Variants in GNB1 observed in about 807,000 individuals in gnomAD.
The protein encoded by GNB1 is G protein subunit beta 1, also known as guanine nucleotide-binding protein G(I)/G(S)/G(T) subunit beta-1.
A neutral mutation model predicts 42.9 loss-of-function variants in GNB1; 2 were observed. That is an observed-to-expected ratio of 0.05 (90% confidence interval 0.02 to 0.15). The LOEUF (loss-of-function observed/expected upper bound fraction) is 0.15. GNB1 is among the 10% of genes least tolerant of loss of function. The pLI, the probability that GNB1 is intolerant of heterozygous loss-of-function variation, is 1.00. For synonymous variants in GNB1, 183 were observed against 174.7 expected (o/e 1.05, Z -0.38); for missense variants, 193 against 462.2 (o/e 0.42, Z 5.34).
chr1:1,836,089 CAAA>C (rs911459103), intron 2 of GNB1, among the ~76,000 whole-genome samples: 2 of 151,368 alleles, frequency 1.3e-5, no homozygotes, highest in Non-Finnish European at 2.9e-5. Context: ...GACCCTATTT[CAAA>C]AAAACAAAAA....
chr1:1,819,618 A>G (rs1289956633), intron 3 of GNB1, among the ~76,000 whole-genome samples: 1 of 151,896 alleles, frequency 6.6e-6, no homozygotes, highest in African/African-American at 2.4e-5. Context: ...AGCTCACTGC[A>G]GCCTCGACCT....
intron 2 of GNB1, among the ~76,000 whole-genome samples, chr1:1,838,165 T>C (rs1360448987): frequency 6.6e-6 from 1 of 152,098 alleles, no homozygotes; most frequent in African/African-American, 2.4e-5. Context: ...ATTGCACCAC[T>C]GCACTTCGGC....
At chr1:1,824,593 T>C (rs1022140569) in intron 3 of GNB1, among the ~76,000 whole-genome samples, 1 of 152,166 alleles carries the variant, frequency 6.6e-6, no homozygotes, top group East Asian at 1.9e-4. Flanking sequence ...TTTTTTATTT[T>C]TCAGGGTCTC....
chr1:1,848,437 AC>A (rs1363047249), intron 1 of GNB1, among the ~76,000 whole-genome samples: 3 of 151,992 alleles, frequency 2.0e-5, no homozygotes, highest in Non-Finnish European at 4.4e-5. Context: ...GTAAAGTTCC[AC>A]CAAGTATGCC....
intron 2 of GNB1, 130 bp from the exon 3 acceptor site, chr1:1,825,629 C>G: frequency 6.8e-6 from 4 of 586,492 alleles, no homozygotes; most frequent in Non-Finnish European, 9.4e-6. Flanking sequence ...CTTTGGGAGG[C>G]CGAGGCGGGC....
chr1:1,882,999 A>G (rs1243651756), intron 1 of GNB1, among the ~76,000 whole-genome samples: 1 of 152,106 alleles, frequency 6.6e-6, no homozygotes, highest in East Asian at 1.9e-4. Context: ...GGTAAAGGAA[A>G]GCCTTTAAGA....
intron 1 of GNB1, among the ~76,000 whole-genome samples, chr1:1,888,389 CG>C (rs1011321994): frequency 1.3e-5 from 2 of 150,276 alleles, no homozygotes; most frequent in African/African-American, 4.9e-5. Context: ...AAAAGGCGGG[CG>C]GGGGGAGCAC....
rs147856451 is a variant in GNB1, at chr1:1,803,205, A to G, written c.430+1214T>C. 6.4e-4 allele frequency among the ~76,000 whole-genome samples: 97 copies of G among 152,368 alleles called. 2 individuals carry two copies. In the East Asian group the frequency reaches 0.019, roughly 29 times the overall value. ...ATATTAGAATAGTACATCCTCTTTC[A>G]GCAAATGTATGCCTTTCATGATGAA... On this transcript the variant is annotated intron_variant, in intron 7 of 11. Coordinates refer to ENST00000378609, the MANE Select transcript of GNB1 (RefSeq NM_002074.5).
chr1:1,803,542 A>G (rs890483683), intron 7 of GNB1, among the ~76,000 whole-genome samples: 1 of 152,162 alleles, frequency 6.6e-6, no homozygotes, highest in Non-Finnish European at 1.5e-5. Context: ...TTGGCCTCCC[A>G]GAGTGTTGCA....
intron 1 of GNB1, among the ~76,000 whole-genome samples, chr1:1,852,535 A>G (rs1648047621): frequency 6.6e-6 from 1 of 151,876 alleles, no homozygotes; most frequent in African/African-American, 2.4e-5. Context: ...CGGCCTCAAA[A>G]TATTTTTTAA....
rs1177797941 is a variant in GNB1, at chr1:1,864,330, AAAAAAAG to A, written c.-95-25099_-95-25093del. 2.1e-4 allele frequency among the ~76,000 whole-genome samples: 32 copies of A among 149,550 alleles called. 2 individuals carry two copies. Among genetic ancestry groups the A allele is most frequent in the Admixed American group, 7.4e-4 (11 of 14,786 alleles). On this transcript the variant is annotated intron_variant, in intron 1 of 11. Coordinates refer to ENST00000378609, the MANE Select transcript of GNB1 (RefSeq NM_002074.5). The stretch of plus-strand genomic sequence containing the variant: ...AGACTCTCTCAAAAAAAAAAAAAAA[AAAAAAAG>A]AAGAAAACCCCACGAAAAAACTATT...
At chr1:1,879,603 G>T (rs1174429003) in intron 1 of GNB1, among the ~76,000 whole-genome samples, 1 of 151,884 alleles carries the variant, frequency 6.6e-6, no homozygotes, top group African/African-American at 2.4e-5. Flanking sequence ...TATTCGGGAG[G>T]CTGAGGCAGG....
intron 5 of GNB1, among the ~76,000 whole-genome samples, chr1:1,809,642 T>C (rs1412376296): frequency 6.6e-6 from 1 of 152,184 alleles, no homozygotes; most frequent in Non-Finnish European, 1.5e-5. Context: ...GAGGATCACC[T>C]TTACAGAGGT....
chr1:1,805,437 G>A (rs1446427012), intron 6 of GNB1, among the ~76,000 whole-genome samples: 1 of 152,068 alleles, frequency 6.6e-6, no homozygotes, highest in Non-Finnish European at 1.5e-5. Flanking sequence ...CTCCAGCCAG[G>A]GCGGTAAGAG....
chr1:1,810,690 CAG>C (rs1340370347), intron 5 of GNB1, among the ~76,000 whole-genome samples: 2 of 151,674 alleles, frequency 1.3e-5, no homozygotes, highest in Non-Finnish European at 2.9e-5. Flanking sequence ...TTTTTTGAGA[CAG>C]AGTCTCACTC....
At chr1:1,834,232 G>A (rs1647114850) in intron 2 of GNB1, among the ~76,000 whole-genome samples, 1 of 152,102 alleles carries the variant, frequency 6.6e-6, no homozygotes, top group Non-Finnish European at 1.5e-5. Flanking sequence ...GGGTCTAACA[G>A]CCAGGGGTGA....
At chr1:1,846,141 G>A (rs1001177473) in intron 1 of GNB1, among the ~76,000 whole-genome samples, 4 of 151,402 alleles carry the variant, frequency 2.6e-5, no homozygotes, top group African/African-American at 7.3e-5. Flanking sequence ...TCAACATGAC[G>A]AACAATGGTA....
Position 1,790,345 on chromosome 1 carries a change from G to A in GNB1, c.699+50C>T, listed in dbSNP as rs745399405. 4.5e-5 allele frequency: 57 copies of A among 1,268,762 alleles called. No individual in the cohort carries two copies. Among genetic ancestry groups the A allele is most frequent in the Middle Eastern group, 1.9e-4 (1 of 5,402 alleles). 78.6% of individuals were successfully genotyped at this position (1,268,762 alleles called of 1,614,324 possible). A position where few individuals can be genotyped will look rare whatever the true frequency, so the allele number is the denominator to read the frequency against. On this transcript the variant is annotated intron_variant, in intron 9 of 11. Coordinates refer to ENST00000378609, the MANE Select transcript of GNB1 (RefSeq NM_002074.5). The surrounding 1 kb of genome is among the most constrained non-coding windows in gnomAD (Gnocchi z 5.4). ...AGTTTAAAATTTAGCAATCTGAACG[G>A]CTAGCAGAGACGGCAGAGGACCCGA... is the stretch of plus-strand genomic sequence containing the variant.
At chr1:1,815,948 G>A (rs1055573944) in intron 4 of GNB1, 86 bp from the exon 5 acceptor site, 42 of 791,610 alleles carry the variant, frequency 5.3e-5, no homozygotes, top group Non-Finnish European at 8.2e-5. Flanking sequence ...CTGTTGGCTC[G>A]CCCACTGTGC....
Sources: allele counts gnomAD v4.1 joint callset (sites outside exome capture counted in the v4.1 genomes callset), GRCh38; gene constraint gnomAD v4.1.1; non-coding constraint Gnocchi (gnomAD v3.1); transcripts MANE v1.5; gene names NCBI Gene and HGNC (gene_info 2026-07-23, HGNC 2026-07-21).